Variants in SEC16B observed in about 807,000 individuals in gnomAD.
The protein encoded by SEC16B is protein transport protein Sec16B.
A neutral mutation model predicts 141.8 loss-of-function variants in SEC16B; 115 were observed. That is an observed-to-expected ratio of 0.81 (90% CI 0.70 to 0.95). The LOEUF (loss-of-function observed/expected upper bound fraction) is 0.95. Ranked by LOEUF, SEC16B falls within the 40% of genes least tolerant of loss-of-function variation. The pLI is 0.00. For synonymous variants in SEC16B, 493 were observed against 492.5 expected (o/e 1.00, Z -0.01); for missense variants, 1,291 against 1,312.3 (o/e 0.98, Z 0.25).
At chr1:177,968,901 A>G (rs1653759564) in intron 1 of SEC16B, among the ~76,000 whole-genome samples, 1 of 152,180 alleles carries the variant, frequency 6.6e-6, no homozygotes, top group South Asian at 2.1e-4. Context: ...TCTCCCTAGC[A>G]TCAAACTAAT....
intron 25 of SEC16B, 24 bp from the exon 26 acceptor site, chr1:177,929,953 C>A (rs1436295415): frequency 1.9e-6 from 3 of 1,611,052 alleles, no homozygotes; most frequent in South Asian, 2.2e-5. Context: ...ACAAATATTA[C>A]ACTGAGTACA....
At chr1:177,974,975 C>T (rs1382508262), upstream of SEC16B, among the ~76,000 whole-genome samples, 1 of 152,152 alleles carries the variant, frequency 6.6e-6, no homozygotes, top group Non-Finnish European at 1.5e-5. Context: ...TGAAGATGGG[C>T]ACAGGTGGAG....
rs1380953811 is a variant in SEC16B, at chr1:177,961,682, C to T, written c.695G>A (p.Ser232Asn). ...NLLQQRESGL[S>N]SSSYELSQYI... ...CTGACTGAGCTCATAGCTGCTGGAG[C>T]TGAGACCAGACTCACGCTGCTGGAG... is the stretch of plus-strand genomic sequence containing the variant. The change falls in exon 6 of 26, where the codon AGC becomes AAC. Residue 232 changes from serine (S) to asparagine (N), a missense_variant. By Grantham distance (46) the Ser-to-Asn change is conservative (BLOSUM62 1). Transcript: ENST00000308284. 1 of 1,614,006 alleles carries T rather than the reference C, an allele frequency of 6.2e-7. No individual in the cohort carries two copies. The highest frequency in any genetic ancestry group is 2.2e-5 in the East Asian group (1 of 44,872).
intron 2 of SEC16B, 122 bp from the exon 3 acceptor site, chr1:177,966,127 G>T: frequency 1.8e-6 from 1 of 544,378 alleles, no homozygotes; most frequent in Non-Finnish European, 3.2e-6. Flanking sequence ...CCTAGAATCT[G>T]CTTGAAAGCC....
chr1:177,961,119 T>C, intron 6 of SEC16B, 180 bp from the exon 7 acceptor site: 1 of 623,220 alleles, frequency 1.6e-6, no homozygotes, highest in Middle Eastern at 4.1e-4. Flanking sequence ...TTTAAGCCTC[T>C]GAGAAGGTGT....
intron 13 of SEC16B, 79 bp from the exon 14 acceptor site, chr1:177,946,610 G>T: frequency 8.9e-7 from 1 of 1,120,170 alleles, no homozygotes. Context: ...ATGGGAGACA[G>T]ATGGAAGAGT....
At chr1:177,943,466 A>G (rs1651434237) in intron 15 of SEC16B, among the ~76,000 whole-genome samples, 1 of 152,212 alleles carries the variant, frequency 6.6e-6, no homozygotes, top group South Asian at 2.1e-4. Flanking sequence ...CCATTTCTCT[A>G]TGACACAGGA....
At position 177,940,638 on chromosome 1, in the gene SEC16B, C is replaced by T; in HGVS notation, c.2099G>A (p.Trp700Ter). The change falls in exon 17 of 26, where the codon TGG (tryptophan) becomes TAG (stop). Residue 700 changes from tryptophan to a stop codon, truncating the protein, a stop_gained. Transcript: ENST00000308284. LOFTEE classifies it high-confidence loss of function. The part of the protein sequence containing the change: ...RSGDRDLEPD[W>*]LAQLRRQLEQ... ...CAGCTGCCTCCGAAGTTGCGCTAGC[C>T]AATCTGGCTCCAGGTCCCTGTCTCC... 6.2e-7 allele frequency: 1 copy of T among 1,613,884 alleles called. No individual in the cohort carries two copies. The highest frequency in any genetic ancestry group is 2.2e-5 in the East Asian group (1 of 44,870).
At chr1:177,967,656 C>T (rs1472865890) in intron 2 of SEC16B, 27 bp downstream of exon 2, 2 of 1,538,314 alleles carry the variant, frequency 1.3e-6, no homozygotes, top group Non-Finnish European at 1.8e-6. Context: ...AGGAGAGTTG[C>T]ATTCATTCCA....
At chr1:177,938,043 C>T (rs374402466) in intron 18 of SEC16B, among the ~76,000 whole-genome samples, 44 of 152,184 alleles carry the variant, frequency 2.9e-4, no homozygotes, top group African/African-American at 8.4e-4. Flanking sequence ...GAAAAAACTG[C>T]GTTCTCACGG....
At chr1:177,939,668 G>A (rs750434892) in intron 18 of SEC16B, 34 bp downstream of exon 18, 2 of 1,454,848 alleles carry the variant, frequency 1.4e-6, no homozygotes, top group African/African-American at 2.8e-5. Context: ...CTGAGCGTCA[G>A]CTATGTATAT....
Position 177,965,930 on chromosome 1 carries a change from G to C in SEC16B, c.375C>G (p.Tyr125Ter). The C allele has an allele frequency of 6.3e-7, 1 of 1,598,422 alleles. No individual in the cohort carries two copies. The highest frequency in any genetic ancestry group is 8.5e-7 in the Non-Finnish European group (1 of 1,171,558). ...GCAGCCACTGTGGGTGTCCATGATA[G>C]TAATAACTTCCATAAGCATATTCCT... is the stretch of plus-strand genomic sequence containing the variant. Reference protein sequence around the residue: ...MREEYAYGSYYYHGHPQWLQE... With the variant: ...MREEYAYGSY The change falls in exon 3 of 26, where the codon TAC (tyrosine) becomes TAG (stop). Residue 125 changes from tyrosine to a stop codon, truncating the protein, a stop_gained. Coordinates refer to ENST00000308284, the MANE Select transcript of SEC16B (RefSeq NM_033127.4). LOFTEE classifies it high-confidence loss of function.
In SEC16B at chr1:177,942,497, G is replaced by A. The variant is rs143190504; in HGVS notation, c.1882-457C>T. On this transcript the variant is annotated intron_variant, in intron 15 of 25. Transcript: ENST00000308284. The stretch of plus-strand genomic sequence containing the variant: ...AGCCTGGCCAACATGACAAAACTCC[G>A]TCTCTACTAAAAATACAAAAATTAG... Among the ~76,000 whole-genome samples the A allele has an allele frequency of 2.4e-3, 362 of 152,156 alleles. 4 individuals carry two copies. Among genetic ancestry groups the A allele is most frequent in the Non-Finnish European group, 9.9e-4 (67 of 68,002 alleles).
chr1:177,942,044 T>C lies in SEC16B; in HGVS notation c.1882-4A>G. On this transcript the variant is annotated splice_region_variant and splice_polypyrimidine_tract_variant and intron_variant, in intron 15 of 25. Coordinates refer to ENST00000308284, the MANE Select transcript of SEC16B (RefSeq NM_033127.4). ...AAGCATAAAGGAGCTTATACACCTGTGAAGAGAAAAGAGTCAGTGACTAGT... is the reference window on the plus strand; with the variant it reads ...AAGCATAAAGGAGCTTATACACCTGCGAAGAGAAAAGAGTCAGTGACTAGT... 1 of 1,611,276 alleles carries C rather than the reference T, an allele frequency of 6.2e-7. No homozygotes were observed.
chr1:177,962,270 C>T (rs1219368592), intron 5 of SEC16B, among the ~76,000 whole-genome samples: 2 of 151,962 alleles, frequency 1.3e-5, no homozygotes, highest in Non-Finnish European at 1.5e-5. Context: ...TGGGGTTTCA[C>T]CATGTTGGCC....
intron 1 of SEC16B, among the ~76,000 whole-genome samples, chr1:177,981,189 C>G (rs942453582): frequency 1.4e-4 from 22 of 152,144 alleles, no homozygotes; most frequent in Non-Finnish European, 2.4e-4. Flanking sequence ...ATCCTACACT[C>G]TGGCTTCTAG....
rs943762 is a variant in SEC16B at position 177,939,717 on chromosome 1, C to T, written c.2188G>A (p.Gly730Arg). ...HPTRSDISGAGGTTTENTFYQ... is the reference protein window; with the variant it reads ...HPTRSDISGARGTTTENTFYQ... ...TTTTGGGTACCTGTTGTTGTTCCTC[C>T]GGCTCCCGAAATATCTGAGCGAGTA... Residue 730 changes from glycine to arginine, a missense_variant, in exon 18 of 26, where the codon GGA (glycine) becomes AGA (arginine). Coordinates refer to ENST00000308284, the MANE Select transcript of SEC16B (RefSeq NM_033127.4). 192,958 of 1,593,302 alleles carry T rather than the reference C, an allele frequency of 0.12. 13,707 individuals carry two copies. Among genetic ancestry groups the T allele is most frequent in the East Asian group, 0.34 (15,198 of 44,270 alleles).
Position 177,940,533 on chromosome 1 carries a change from A to T in SEC16B, c.2127+77T>A, listed in dbSNP as rs539970009. On this transcript the variant is annotated intron_variant, in intron 17 of 25. Coordinates refer to ENST00000308284, the MANE Select transcript of SEC16B (RefSeq NM_033127.4). The stretch of plus-strand genomic sequence containing the variant: ...CAGGGACTTGCTAATGTCAGTGCCT[A>T]CCTGTTCCATGTCTAGGGGTGGGAA... 9.1e-4 allele frequency: 921 copies of T among 1,011,344 alleles called. 10 individuals carry two copies. The highest frequency in any genetic ancestry group is 7.8e-3 in the South Asian group (578 of 74,496). The allele number at this position is 1,011,344 out of a possible 1,614,324, so 62.6% of individuals were successfully genotyped here. A position where few individuals can be genotyped will look rare whatever the true frequency, so the allele number is the denominator to read the frequency against.
At chr1:177,976,287 C>G (rs367774474) in intron 1 of SEC16B, among the ~76,000 whole-genome samples, 5 of 152,180 alleles carry the variant, frequency 3.3e-5, no homozygotes, top group African/African-American at 1.2e-4. Context: ...CTCCTCCTCT[C>G]TTCACCCCTC....
Sources: allele counts gnomAD v4.1 joint callset (sites outside exome capture counted in the v4.1 genomes callset), GRCh38; gene constraint gnomAD v4.1.1; transcripts MANE v1.5; gene names NCBI Gene and HGNC (gene_info 2026-07-23, HGNC 2026-07-21).